The following MZT2A variants were observed in gnomAD, a reference collection of about 807,000 sequenced individuals.
MZT2A encodes mitotic-spindle organizing protein 2A.
A neutral mutation model predicts 12.4 loss-of-function variants in MZT2A; 8 were observed. That is an observed-to-expected ratio of 0.64 (90% CI 0.38 to 1.16). The LOEUF (loss-of-function observed/expected upper bound fraction) is 1.16, where lower values mean the gene tolerates loss of function less well. Ranked by LOEUF, MZT2A falls within the 50% of genes most tolerant of loss-of-function variation. The pLI, the probability that MZT2A is intolerant of heterozygous loss-of-function variation, is 0.01. For synonymous variants in MZT2A, 88 were observed against 107.5 expected, an observed-to-expected ratio of 0.82 and a Z score of 1.12; for missense variants, 181 against 223.6, an observed-to-expected ratio of 0.81 and a Z score of 1.22.
rs1255122809 is a variant in MZT2A, at chr2:131,491,993, C to A, written c.202G>T (p.Ala68Ser). 10 of 1,549,388 alleles carry A rather than the reference C, an allele frequency of 6.5e-6. No homozygotes were observed. Among genetic ancestry groups the A allele is most frequent in the Non-Finnish European group, 7.8e-6 (9 of 1,147,476 alleles). ...ILVDLLKLNV[A>S]PLAVFQMLKS... ...AGCATCTGGAAGACGGCGAGGGGGG[C>A]CACGTTCAGCTTCAGCAGGTCCACC... The change falls in exon 2 of 3, where the codon GCC (alanine) becomes TCC (serine). Residue 68 changes from alanine to serine, a missense_variant. Around this residue, in one of 3 missense-constraint regions of MZT2A, gnomAD observed 106 missense variants for 127.2 expected, o/e 0.83. Coordinates refer to ENST00000309451, the MANE Select transcript of MZT2A (RefSeq NM_001085365.2).
downstream of MZT2A, among the ~76,000 whole-genome samples, chr2:131,483,243 T>C (rs1251343077): frequency 6.6e-6 from 1 of 152,158 alleles, no homozygotes; most frequent in African/African-American, 2.4e-5. Flanking sequence ...ACTAGAAGTG[T>C]TGGAGGTCTG....
intron 2 of MZT2A, 47 bp from the exon 3 acceptor site, chr2:131,484,265 A>T (rs1678965608): frequency 1.4e-5 from 22 of 1,596,518 alleles, no homozygotes; most frequent in Non-Finnish European, 1.8e-5. Flanking sequence ...GCGCCCCATA[A>T]ATGCAGCACC....
chr2:131,488,319 G>A (rs962549843), intron 2 of MZT2A, among the ~76,000 whole-genome samples: 2 of 152,166 alleles, frequency 1.3e-5, no homozygotes, highest in African/African-American at 2.4e-5. Context: ...GACCCTCTGT[G>A]CTTCTGGGGT....
chr2:131,487,315 C>T (rs1277788451), intron 2 of MZT2A, among the ~76,000 whole-genome samples: 5 of 151,922 alleles, frequency 3.3e-5, no homozygotes, highest in African/African-American at 9.7e-5. Context: ...CCTCCATCTC[C>T]ACAAAAAATT....
chr2:131,476,112 A>G (rs1678655865), intron 2 of MZT2A: 2 of 1,604,778 alleles, frequency 1.2e-6, no homozygotes, highest in African/African-American at 1.3e-5. Flanking sequence ...CGGCGCGCAC[A>G]GGCAGGAGGT....
chr2:131,492,665 T>A, upstream of MZT2A: 1 of 1,260,326 alleles, frequency 7.9e-7, no homozygotes, highest in Non-Finnish European at 1.0e-6. Context: ...TCGTGCTCGC[T>A]TAGGTGGCAG....
chr2:131,493,599 G>A (rs1679436247), upstream of MZT2A, among the ~76,000 whole-genome samples: 1 of 152,158 alleles, frequency 6.6e-6, no homozygotes, highest in Non-Finnish European at 1.5e-5. Flanking sequence ...GTGCTGTTAA[G>A]GGAGGTCTTG....
intron 2 of MZT2A, chr2:131,486,702 T>C (rs1679065943): frequency 6.6e-6 from 1 of 152,004 alleles, no homozygotes; most frequent in South Asian, 2.1e-4. Flanking sequence ...CACAGTTCAT[T>C]GCTGCCCGGA....
chr2:131,493,624 G>C (rs899817202), upstream of MZT2A, among the ~76,000 whole-genome samples: 2 of 152,132 alleles, frequency 1.3e-5, no homozygotes, highest in Non-Finnish European at 2.9e-5. Context: ...GACAGAATTT[G>C]CTTGGAATGA....
chr2:131,482,537 T>A, downstream of MZT2A: 1 of 1,593,540 alleles, frequency 6.3e-7, no homozygotes, highest in Non-Finnish European at 8.6e-7. Context: ...CTGCTTTCTT[T>A]CCCTTCTCTG....
At chr2:131,492,886 C>G, upstream of MZT2A, 1 of 1,506,480 alleles carries the variant, frequency 6.6e-7, no homozygotes, top group Non-Finnish European at 8.9e-7. Context: ...GAGGCCGCCA[C>G]AACGCAGGCG....
intron 2 of MZT2A, among the ~76,000 whole-genome samples, chr2:131,474,339 C>T (rs978246743): frequency 1.3e-5 from 2 of 151,750 alleles, no homozygotes; most frequent in Admixed American, 6.6e-5. Flanking sequence ...CCTCGTGATC[C>T]GCCTGCCTTG....
intron 3 of MZT2A, chr2:131,471,982 A>C: frequency 2.6e-6 from 3 of 1,173,600 alleles, no homozygotes; most frequent in Non-Finnish European, 3.3e-6. Context: ...AGTCCCAAGG[A>C]GGTCTTTAAA....
At chr2:131,492,834 C>G, upstream of MZT2A, 1 of 1,467,470 alleles carries the variant, frequency 6.8e-7, no homozygotes, top group South Asian at 1.2e-5. Context: ...ACGCGCATTC[C>G]TTGCTAGGGA....
downstream of MZT2A, among the ~76,000 whole-genome samples, chr2:131,481,367 C>T (rs1678859938): frequency 6.6e-6 from 1 of 151,936 alleles, no homozygotes; most frequent in Admixed American, 6.6e-5. Context: ...CTCCCAGGCT[C>T]CAGCGATTCT....
At chr2:131,477,709 G>A (rs1332915796) in intron 2 of MZT2A, among the ~76,000 whole-genome samples, 5 of 151,146 alleles carry the variant, frequency 3.3e-5, no homozygotes, top group Admixed American at 2.0e-4. Context: ...GGGTAGAACT[G>A]GGGGGTAGAG....
chr2:131,492,785 G>GC (rs971286881), upstream of MZT2A: 2 of 1,354,774 alleles, frequency 1.5e-6, no homozygotes, highest in African/African-American at 1.5e-5. Context: ...GCTCTTCGGG[G>GC]GGGGTGGGGG....
chr2:131,492,951 C>T (rs1355415281), upstream of MZT2A: 23 of 1,525,454 alleles, frequency 1.5e-5, no homozygotes, highest in East Asian at 2.5e-5. Context: ...CATTTCCCCT[C>T]CCTGGCCGGC....
At chr2:131,483,059 G>A (rs1678915905), downstream of MZT2A, 9 of 737,440 alleles carry the variant, frequency 1.2e-5, no homozygotes, top group Non-Finnish European at 1.9e-5. Context: ...CAGCAGGACT[G>A]TACATAAGCA....
Sources: gnomAD v4.1 joint callset for allele counts (sites outside exome capture counted in the v4.1 genomes callset) on GRCh38, gnomAD v4.1.1 for gene constraint, gnomAD v4.1.1 regional missense constraint, MANE v1.5 for transcripts, NCBI Gene and HGNC (gene_info 2026-07-23, HGNC 2026-07-21) for gene names.